Variants in HSP90AA1 observed in about 807,000 individuals in gnomAD.
HSP90AA1 encodes the protein heat shock protein HSP 90-alpha.
Under a neutral mutation model 73.3 loss-of-function variants are expected in HSP90AA1, and 18 were observed. The observed-to-expected ratio is 0.25, with a 90% CI of 0.17 to 0.36. HSP90AA1 has a LOEUF of 0.36. Ranked by LOEUF, HSP90AA1 falls within the 10% of genes least tolerant of loss-of-function variation. The pLI, the probability that HSP90AA1 is intolerant of heterozygous loss-of-function variation, is 1.00. For synonymous variants in HSP90AA1, 477 were observed against 296.9 expected, an observed-to-expected ratio of 1.61 and a Z score of -6.24; for missense variants, 704 against 874.2, an observed-to-expected ratio of 0.81 and a Z score of 2.45.
upstream of HSP90AA1, among the ~76,000 whole-genome samples, chr14:102,090,489 G>T (rs1003777232): frequency 4.1e-5 from 6 of 147,826 alleles, no homozygotes; most frequent in African/African-American, 1.0e-4. Flanking sequence ...TTGCTCTGTC[G>T]CCCAGGCTGG....
intron 1 of HSP90AA1, among the ~76,000 whole-genome samples, chr14:102,136,567 CAAA>C (rs1165638280): frequency 3.8e-5 from 2 of 53,244 alleles, no homozygotes; most frequent in African/African-American, 8.6e-5. Context: ...AGACTCGTCT[CAAA>C]AAAAAAAAAA....
intron 1 of HSP90AA1, among the ~76,000 whole-genome samples, chr14:102,125,084 T>C (rs2049824286): frequency 6.6e-6 from 1 of 152,180 alleles, no homozygotes; most frequent in African/African-American, 2.4e-5. Context: ...CTCAAACTCC[T>C]GGGTTCAAGC....
chr14:102,086,075 T>G lies in HSP90AA1; in HGVS notation c.212A>C (p.Asp71Ala), dbSNP rs755098644. The change falls in exon 3 of 11, where the codon GAC (aspartate) becomes GCC (alanine). Residue 71 changes from aspartate to alanine, a missense_variant. Coordinates refer to ENST00000216281, the MANE Select transcript of HSP90AA1 (RefSeq NM_005348.4). ...YESLTDPSKL[D>A]SGKELHINLI... ...GTTAATATGCAGCTCTTTCCCAGAG[T>G]CTAATTTACTGGGATCTGTCAAGCT... 2 of 1,613,324 alleles carry G rather than the reference T, an allele frequency of 1.2e-6. No individual in the cohort carries two copies.
At chr14:102,135,687 T>C (rs1384898863) in intron 1 of HSP90AA1, among the ~76,000 whole-genome samples, 2 of 152,206 alleles carry the variant, frequency 1.3e-5, no homozygotes, top group Admixed American at 1.3e-4. Flanking sequence ...CGGCGAGAAA[T>C]CGAGCACAGC....
In HSP90AA1 at chr14:102,085,822, G is replaced by T; in HGVS notation, c.465C>A (p.Asn155Lys). 2 of 1,613,868 alleles carry T rather than the reference G, an allele frequency of 1.2e-6. No individual in the cohort carries two copies. Among genetic ancestry groups the T allele is most frequent in the Non-Finnish European group, 1.7e-6 (2 of 1,179,848 alleles). The change falls in exon 3 of 11, where the codon AAC becomes AAA. Residue 155 changes from asparagine to lysine, a missense_variant. By Grantham distance (94) the Asn-to-Lys change is moderately conservative (BLOSUM62 0). Transcript: ENST00000216281. ...AEKVTVITKHNDDEQYAWESS... is the reference protein window; with the variant it reads ...AEKVTVITKHKDDEQYAWESS... ...ACTCCCAAGCGTACTGCTCATCATC[G>T]TTATGTTTGGTGATCACAGTTACTT...
rs1343006573 is a variant in HSP90AA1, at chr14:102,083,524, CTG to C, written c.1486+20_1486+21del. The C allele has an allele frequency of 1.2e-6, 2 of 1,610,384 alleles. No homozygotes were observed. Among genetic ancestry groups the C allele is most frequent in the Admixed American group, 1.7e-5 (1 of 60,010 alleles). On this transcript the variant is annotated intron_variant, in intron 8 of 10. Transcript: ENST00000216281. Reference sequence around the variant, plus strand: ...AAGATTGTAAGAACGACGTGTATGACTGTAACATAGTGTTCTCTTACCTGTGA... The same window carrying C: ...AAGATTGTAAGAACGACGTGTATGACTAACATAGTGTTCTCTTACCTGTGA...
chr14:102,139,439 C>T, exon 1 of HSP90AA1: 1 of 1,508,674 alleles, frequency 6.6e-7, no homozygotes, highest in Non-Finnish European at 8.9e-7. Flanking sequence ...CGTGCTGGCT[C>T]CGAAGCGGTG....
At chr14:102,083,715 A>C in intron 7 of HSP90AA1, 22 bp from the exon 8 acceptor site, 1 of 1,601,076 alleles carries the variant, frequency 6.2e-7, no homozygotes, top group Non-Finnish European at 8.5e-7. Context: ...TATGTTCTTT[A>C]CAAAGACTTT....
intron 1 of HSP90AA1, among the ~76,000 whole-genome samples, chr14:102,127,751 A>C (rs1337281494): frequency 6.6e-6 from 1 of 152,110 alleles, no homozygotes; most frequent in African/African-American, 2.4e-5. Context: ...TTCTGGGCTC[A>C]AGCGATCCTC....
At chr14:102,086,644 C>T (rs1256999369) in intron 1 of HSP90AA1, among the ~76,000 whole-genome samples, 1 of 151,248 alleles carries the variant, frequency 6.6e-6, no homozygotes, top group Non-Finnish European at 1.5e-5. Flanking sequence ...GGGTGCCCTC[C>T]CGCGCGGGCT....
intron 2 of HSP90AA1, among the ~76,000 whole-genome samples, chr14:102,092,554 T>G (rs990445825): frequency 6.6e-6 from 1 of 152,090 alleles, no homozygotes; most frequent in Non-Finnish European, 1.5e-5. Context: ...TTTTAGAAAA[T>G]GCAAACTAAT....
chr14:102,107,327 G>T (rs542732323), intron 1 of HSP90AA1, among the ~76,000 whole-genome samples: 3 of 151,562 alleles, frequency 2.0e-5, no homozygotes, highest in Middle Eastern at 3.4e-3. Context: ...CGTTTTTTTT[G>T]GTTTGTTTGT....
intron 2 of HSP90AA1, among the ~76,000 whole-genome samples, chr14:102,094,262 T>C (rs2049396187): frequency 6.6e-6 from 1 of 152,110 alleles, no homozygotes; most frequent in South Asian, 2.1e-4. Context: ...TGAAAAAAAA[T>C]GTCTGGCCAC....
chr14:102,111,217 C>T (rs935963609), intron 1 of HSP90AA1, among the ~76,000 whole-genome samples: 5 of 152,340 alleles, frequency 3.3e-5, no homozygotes, highest in Admixed American at 2.6e-4. Flanking sequence ...GAAGTCTTCA[C>T]GGCAGCCCCT....
At chr14:102,088,703 C>T (rs1333918149), upstream of HSP90AA1, among the ~76,000 whole-genome samples, 2 of 152,044 alleles carry the variant, frequency 1.3e-5, no homozygotes, top group Non-Finnish European at 2.9e-5. Flanking sequence ...GCAGGAAGAG[C>T]GGTGAGCGGG....
intron 6 of HSP90AA1, 43 bp from the exon 7 acceptor site, chr14:102,084,026 CAA>C (rs771451893): frequency 4.2e-6 from 6 of 1,424,220 alleles, no homozygotes; most frequent in Non-Finnish European, 4.0e-6. Context: ...ATTCCAAGGA[CAA>C]AACTGGTACT....
At chr14:102,111,083 A>G (rs1409500740) in intron 1 of HSP90AA1, among the ~76,000 whole-genome samples, 1 of 152,240 alleles carries the variant, frequency 6.6e-6, no homozygotes, top group Non-Finnish European at 1.5e-5. Flanking sequence ...CTGGAAATGC[A>G]CTAGAAAAGA....
chr14:102,108,628 T>G (rs2049601138), intron 1 of HSP90AA1, among the ~76,000 whole-genome samples: 1 of 150,386 alleles, frequency 6.6e-6, no homozygotes. Flanking sequence ...CTCAACCTCC[T>G]GGGTTTGAGC....
chr14:102,082,625 A>C, intron 9 of HSP90AA1, 181 bp from the exon 10 acceptor site: 1 of 629,868 alleles, frequency 1.6e-6, no homozygotes. Flanking sequence ...TTTTACATGC[A>C]CAATTTTTTT....
Sources: gnomAD v4.1 joint callset for allele counts (sites outside exome capture counted in the v4.1 genomes callset) on GRCh38, gnomAD v4.1.1 for gene constraint, MANE v1.5 for transcripts, NCBI Gene and HGNC (gene_info 2026-07-23, HGNC 2026-07-21) for gene names.